M1AP: variants seen among roughly 807,000 people sequenced by gnomAD.
M1AP encodes meiosis 1 arrest protein.
A neutral mutation model predicts 51.2 loss-of-function variants in M1AP; 39 were observed. That is an observed-to-expected ratio of 0.76 (90% CI 0.59 to 1.00). The LOEUF is 1.00. Among genes scored for constraint, M1AP ranks in the 50% least tolerant of loss-of-function variants. The pLI is 0.00. For missense variants in M1AP, 545 were observed against 641.2 expected (o/e 0.85, Z 1.62); for synonymous variants, 251 against 249.2 (o/e 1.01, Z -0.07).
intron 3 of M1AP, among the ~76,000 whole-genome samples, chr2:74,611,516 G>A (rs1229798346): frequency 1.3e-5 from 2 of 152,064 alleles, no homozygotes; most frequent in Non-Finnish European, 2.9e-5. Context: ...GGTATCAGTT[G>A]TAATGTCTCC....
At chr2:74,576,807 A>G in intron 5 of M1AP, 189 bp from the exon 6 acceptor site, 1 of 1,284,848 alleles carries the variant, frequency 7.8e-7, no homozygotes, top group Non-Finnish European at 1.0e-6. Context: ...GAAAGGGAGA[A>G]CAGGTCTGGA....
At chr2:74,616,565 T>C (rs1031437629) in intron 2 of M1AP, among the ~76,000 whole-genome samples, 1 of 152,302 alleles carries the variant, frequency 6.6e-6, no homozygotes, top group Admixed American at 6.5e-5. Flanking sequence ...TGTAAAAGAA[T>C]TTTTATGCTT....
At chr2:74,622,650 T>C (rs759960327) in intron 2 of M1AP, among the ~76,000 whole-genome samples, 15 of 149,742 alleles carry the variant, frequency 1.0e-4, no homozygotes, top group Non-Finnish European at 2.1e-4. Flanking sequence ...ATTTAAAGGA[T>C]ATAATTCAAG....
At chr2:74,600,962 T>C (rs1010179286) in intron 4 of M1AP, among the ~76,000 whole-genome samples, 2 of 152,140 alleles carry the variant, frequency 1.3e-5, no homozygotes, top group African/African-American at 4.8e-5. Flanking sequence ...GGACTTCTAC[T>C]ACTATTAATA....
At chr2:74,612,283 A>G (rs1361487334) in intron 3 of M1AP, among the ~76,000 whole-genome samples, 1 of 151,868 alleles carries the variant, frequency 6.6e-6, no homozygotes, top group Admixed American at 6.6e-5. Context: ...CAGTGGTGTG[A>G]TCATAGCTCA....
At chr2:74,580,340 G>C (rs930908709) in intron 5 of M1AP, among the ~76,000 whole-genome samples, 3 of 152,210 alleles carry the variant, frequency 2.0e-5, no homozygotes, top group Non-Finnish European at 4.4e-5. Context: ...ACAGATAAGT[G>C]AAGTCCAGAG....
rs540573541 is a variant in M1AP at position 74,567,405 on chromosome 2, C to A, written c.1075-4982G>T. ...AGTAGTGAATATATTTCAGAGCACTCCTGCAATCAATATGCTGATAAATTT... is the reference window on the plus strand; with the variant it reads ...AGTAGTGAATATATTTCAGAGCACTACTGCAATCAATATGCTGATAAATTT... On this transcript the variant is annotated intron_variant, in intron 7 of 10. Coordinates refer to ENST00000421985, the MANE Select transcript of M1AP (RefSeq NM_001321739.2). Among the ~76,000 whole-genome samples the A allele has an allele frequency of 5.9e-5, 9 of 152,326 alleles. No homozygotes were observed. The South Asian group carries it at 1.9e-3, about 32-fold the overall frequency.
chr2:74,578,549 G>C (rs890453998), intron 5 of M1AP, among the ~76,000 whole-genome samples: 3 of 152,150 alleles, frequency 2.0e-5, no homozygotes, highest in Admixed American at 2.0e-4. Context: ...GTGTCCCAAA[G>C]CTGGGAAAGC....
rs186778219 is a variant in M1AP at position 74,619,579 on chromosome 2, T to C, written c.241-4430A>G. ...AAACTTTATCTATACAAAGTTGAAA[T>C]TGGCAGAGAGATAGGTGCTAAAATG... is the stretch of plus-strand genomic sequence containing the variant. On this transcript the variant is annotated intron_variant, in intron 2 of 10. Transcript: ENST00000421985. Among the ~76,000 whole-genome samples the C allele has an allele frequency of 2.5e-3, 378 of 152,310 alleles. 4 individuals carry two copies. The highest frequency in any genetic ancestry group is 8.6e-3 in the African/African-American group (358 of 41,544).
intron 4 of M1AP, among the ~76,000 whole-genome samples, chr2:74,588,542 A>G (rs907433750): frequency 6.6e-6 from 1 of 152,246 alleles, no homozygotes; most frequent in Non-Finnish European, 1.5e-5. Context: ...ATAATCTAAC[A>G]GCTTACAACG....
In M1AP at chr2:74,607,123, A is replaced by G; in HGVS notation, c.527T>C (p.Val176Ala). The G allele has an allele frequency of 1.2e-6, 2 of 1,614,144 alleles. No homozygotes were observed. The highest frequency in any genetic ancestry group is 1.1e-5 in the South Asian group (1 of 91,076). Residue 176 changes from valine (V) to alanine (A), a missense_variant, in exon 4 of 11, where the codon GTT (valine) becomes GCT (alanine). Val to Ala is a moderately conservative substitution (Grantham distance 64). Coordinates refer to ENST00000421985, the MANE Select transcript of M1AP (RefSeq NM_001321739.2). The part of the protein sequence containing the change: ...DLARVRRFQV[V>A]EVTKGILEHV... ...CTCTAGGATTCCCTTTGTGACCTCA[A>G]CGACCTGAAACCTCCTGACTCTGGC...
Position 74,558,843 on chromosome 2 carries a change from G to A in M1AP, c.1466C>T (p.Ala489Val). The A allele has an allele frequency of 6.2e-7, 1 of 1,602,130 alleles. No homozygotes were observed. The highest frequency in any genetic ancestry group is 8.5e-7 in the Non-Finnish European group (1 of 1,175,446). The change falls in exon 11 of 11, where the codon GCT becomes GTT. Residue 489 changes from alanine to valine, a missense_variant. Coordinates refer to ENST00000421985, the MANE Select transcript of M1AP (RefSeq NM_001321739.2). ...AGTCATAGGCAGGGGGGCCACAGTA[G>A]CTCGAGCTCGGTTGGTCTGCAACTG... ...TGQLQTNRAR[A>V]TVAPLPMTPV...
intron 5 of M1AP, among the ~76,000 whole-genome samples, chr2:74,580,763 C>T (rs1679357042): frequency 6.6e-6 from 1 of 152,188 alleles, no homozygotes; most frequent in African/African-American, 2.4e-5. Flanking sequence ...ATGTTCAATC[C>T]ATTCTTCAAC....
In M1AP at chr2:74,560,212, C is replaced by G; in HGVS notation, c.1361G>C (p.Ser454Thr). Residue 454 changes from serine (S) to threonine (T), a missense_variant, in exon 9 of 11, where the codon AGC becomes ACC. By Grantham distance (58) the Ser-to-Thr change is moderately conservative. Coordinates refer to ENST00000421985, the MANE Select transcript of M1AP (RefSeq NM_001321739.2). ...VQSHLYSHLS[S>T]IYAKPQGRLH... ...CCGCCCCTGAGGCTTGGCATAGATG[C>G]TGCTCAGGTGTGAGTACAGGTGGCT... The G allele has an allele frequency of 6.2e-7, 1 of 1,613,910 alleles. No homozygotes were observed. Among genetic ancestry groups the G allele is most frequent in the Non-Finnish European group, 8.5e-7 (1 of 1,179,966 alleles).
intron 4 of M1AP, among the ~76,000 whole-genome samples, chr2:74,599,651 T>C (rs988924535): frequency 1.3e-5 from 2 of 152,130 alleles, no homozygotes; most frequent in Non-Finnish European, 2.9e-5. Context: ...TTAATTAGAA[T>C]AGCTTTATAA....
chr2:74,631,082 A>G (rs146664697), intron 2 of M1AP, among the ~76,000 whole-genome samples: 1 of 152,188 alleles, frequency 6.6e-6, no homozygotes, highest in East Asian at 1.9e-4. Context: ...TTTCTGAATC[A>G]TTTTGTTGTA....
intron 4 of M1AP, among the ~76,000 whole-genome samples, chr2:74,595,595 G>A (rs114069332): frequency 2.4e-4 from 37 of 152,242 alleles, no homozygotes; most frequent in African/African-American, 8.7e-4. Flanking sequence ...CAAGTGATCT[G>A]CCTGTCTTGG....
rs571885412 is a variant in M1AP at position 74,615,093 on chromosome 2, T to C, written c.297A>G (p.Leu99=). ...GTGATCTGAAACACCCTTCTCTCTG[T>C]AACATGCGGAGTTCTGAGATGCAGG... is the stretch of plus-strand genomic sequence containing the variant. ...LQTCISELRM[L]QREGCFRSQG... is the part of the protein sequence containing the mutation. Residue 99 remains leucine (L), a synonymous_variant, in exon 3 of 11, where the codon TTA becomes TTG. Transcript: ENST00000421985. The C allele has an allele frequency of 1.2e-6, 2 of 1,614,190 alleles. No individual in the cohort carries two copies. The highest frequency in any genetic ancestry group is 1.7e-6 in the Non-Finnish European group (2 of 1,180,014).
At chr2:74,606,640 C>G (rs1354028159) in intron 4 of M1AP, among the ~76,000 whole-genome samples, 1 of 151,766 alleles carries the variant, frequency 6.6e-6, no homozygotes, top group Non-Finnish European at 1.5e-5. Flanking sequence ...GAAGGGATAG[C>G]CCAATCCCTT....
Sources: allele counts gnomAD v4.1 joint callset (sites outside exome capture counted in the v4.1 genomes callset), GRCh38; gene constraint gnomAD v4.1.1; transcripts MANE v1.5; gene names NCBI Gene and HGNC (gene_info 2026-07-23, HGNC 2026-07-21).